ASPRV1: variants seen among roughly 807,000 people sequenced by gnomAD.
ASPRV1 encodes the protein aspartic peptidase retroviral like 1, also known as retroviral-like aspartic protease 1.
In ASPRV1, 7 loss-of-function variants were observed where a neutral mutation model predicts 11.0. The observed-to-expected ratio is 0.64, with a 90% CI of 0.36 to 1.20. ASPRV1 has a LOEUF of 1.20. ASPRV1 is among the 50% of genes most tolerant of loss of function. The pLI is 0.02. For missense variants in ASPRV1, 299 were observed against 320.0 expected (o/e 0.93, Z 0.50); for synonymous variants, 136 against 138.4 (o/e 0.98, Z 0.12).
At chr2:70,033,867 A>T in the ASPRV1 span, among the ~76,000 whole-genome samples, 1 of 152,120 alleles carries the variant, frequency 6.6e-6, no homozygotes, top group Admixed American at 6.5e-5. Flanking sequence ...TAAGGAAAGC[A>T]ATGCTGGCCG....
the ASPRV1 span, chr2:69,988,677 G>C: frequency 7.1e-6 from 3 of 422,424 alleles, no homozygotes; most frequent in East Asian, 2.2e-4. Flanking sequence ...TAAAATGGTC[G>C]ATTTTATGTT....
chr2:70,061,748 A>G, the ASPRV1 span, among the ~76,000 whole-genome samples: 36 of 152,130 alleles, frequency 2.4e-4, no homozygotes, highest in African/African-American at 8.7e-4. Context: ...CAAGAGTTCA[A>G]GACTAGCCTG....
the ASPRV1 span, among the ~76,000 whole-genome samples, chr2:70,002,360 AT>A: frequency 6.6e-6 from 1 of 152,188 alleles, no homozygotes; most frequent in African/African-American, 2.4e-5. Flanking sequence ...TGTGTCTCAC[AT>A]TTCTTGTGTG....
At chr2:70,011,400 G>C in the ASPRV1 span, among the ~76,000 whole-genome samples, 1 of 152,198 alleles carries the variant, frequency 6.6e-6, no homozygotes, top group Non-Finnish European at 1.5e-5. Context: ...GAAGGGATGA[G>C]CGCCTGAGCT....
chr2:69,938,364 C>A, the ASPRV1 span: 2 of 1,433,566 alleles, frequency 1.4e-6, no homozygotes, highest in Non-Finnish European at 1.9e-6. Context: ...CTGCCCACAA[C>A]TCCCTTGCAC....
the ASPRV1 span, among the ~76,000 whole-genome samples, chr2:70,008,229 CTTA>C: frequency 1.3e-5 from 2 of 151,906 alleles, no homozygotes; most frequent in Non-Finnish European, 2.9e-5. Context: ...TTCAAGATTT[CTTA>C]TTAATTTTTT....
chr2:70,033,308 CACACACAT>C, the ASPRV1 span, among the ~76,000 whole-genome samples: 2 of 151,762 alleles, frequency 1.3e-5, no homozygotes, highest in East Asian at 1.9e-4. Context: ...CACACACACA[CACACACAT>C]ATATGCACTC....
the ASPRV1 span, among the ~76,000 whole-genome samples, chr2:69,943,650 T>G: frequency 6.6e-6 from 1 of 152,220 alleles, no homozygotes; most frequent in Admixed American, 6.5e-5. Flanking sequence ...ATTCATTCAC[T>G]GAACAAATAC....
At position 69,961,284 on chromosome 2, in the gene ASPRV1, T is replaced by C; in HGVS notation, c.153A>G (p.Leu51=). The C allele has an allele frequency of 6.2e-7, 1 of 1,614,088 alleles. No homozygotes were observed. The highest frequency in any genetic ancestry group is 8.5e-7 in the Non-Finnish European group (1 of 1,180,016). The change falls in exon 1 of 1, where the codon CTA becomes CTG. Residue 51 remains leucine (L), a synonymous_variant. Transcript: ENST00000320256. The stretch of plus-strand genomic sequence containing the variant: ...CTCTGAGGGACTCTTTCAGGAACCT[T>C]AGCTTGGTGATATGGTCCCAATGGT... The part of the protein sequence containing the change: ...DLNHWDHITK[L]RFLKESLRGE...
chr2:70,047,036 A>T, the ASPRV1 span, among the ~76,000 whole-genome samples: 1 of 152,188 alleles, frequency 6.6e-6, no homozygotes, highest in Non-Finnish European at 1.5e-5. Flanking sequence ...CTGGCCCCTG[A>T]CTTCAGGAAG....
chr2:69,955,325 C>T (rs1472779104), downstream of ASPRV1, among the ~76,000 whole-genome samples: 3 of 152,356 alleles, frequency 2.0e-5, no homozygotes, highest in Admixed American at 6.5e-5. Flanking sequence ...ATGGACACAT[C>T]GTGTCCTCAG....
At chr2:69,968,789 G>T in the ASPRV1 span, among the ~76,000 whole-genome samples, 2 of 152,164 alleles carry the variant, frequency 1.3e-5, no homozygotes, top group African/African-American at 4.8e-5. Flanking sequence ...ACCCCTGGTC[G>T]CTGGGGACAA....
the ASPRV1 span, among the ~76,000 whole-genome samples, chr2:70,036,658 C>G: frequency 6.6e-6 from 1 of 152,122 alleles, no homozygotes; most frequent in Non-Finnish European, 1.5e-5. Context: ...TATAGTGTCA[C>G]TTTCTAAAGT....
the ASPRV1 span, chr2:70,045,266 C>A: frequency 2.6e-5 from 4 of 152,178 alleles, no homozygotes; most frequent in Admixed American, 6.6e-5. Flanking sequence ...AATCCTAGCT[C>A]AGCCTTTTTA....
chr2:69,967,808 T>C, the ASPRV1 span, among the ~76,000 whole-genome samples: 6 of 152,206 alleles, frequency 3.9e-5, no homozygotes, highest in Non-Finnish European at 7.4e-5. Context: ...AGGCCAGGCA[T>C]GGTGGCTCAT....
chr2:69,934,503 A>G, the ASPRV1 span, among the ~76,000 whole-genome samples: 1 of 152,148 alleles, frequency 6.6e-6, no homozygotes, highest in Non-Finnish European at 1.5e-5. Flanking sequence ...GACATACTCC[A>G]AGAACAAAAA....
the ASPRV1 span, among the ~76,000 whole-genome samples, chr2:69,990,493 A>G: frequency 6.6e-6 from 1 of 152,062 alleles, no homozygotes; most frequent in East Asian, 1.9e-4. Flanking sequence ...CTGTTCATTT[A>G]TGTAGACAGG....
the ASPRV1 span, among the ~76,000 whole-genome samples, chr2:69,953,828 C>T: frequency 2.0e-5 from 3 of 152,228 alleles, no homozygotes; most frequent in East Asian, 5.8e-4. Context: ...CTGCCTCAGC[C>T]TCCCAAGTAG....
At chr2:70,062,170 T>C in the ASPRV1 span, among the ~76,000 whole-genome samples, 7 of 151,420 alleles carry the variant, frequency 4.6e-5, no homozygotes, top group Non-Finnish European at 8.9e-5. Context: ...CTGGGCATAG[T>C]GGCGGGTGCC....
Sources: allele counts gnomAD v4.1 joint callset (sites outside exome capture counted in the v4.1 genomes callset), GRCh38; gene constraint gnomAD v4.1.1; transcripts MANE v1.5; gene names NCBI Gene and HGNC (gene_info 2026-07-23, HGNC 2026-07-21).